COL4A6: variants seen among roughly 807,000 people sequenced by gnomAD.
COL4A6 encodes collagen type IV alpha 6 chain.
COL4A6 carries 59 observed loss-of-function variants against 126.7 expected under a neutral mutation model. That is an observed-to-expected ratio of 0.47 (90% CI 0.38 to 0.58). COL4A6 has a LOEUF of 0.58. COL4A6 is among the 20% of genes least tolerant of loss of function. COL4A6 has a pLI of 0.00. For synonymous variants in COL4A6, 547 were observed against 496.6 expected (o/e 1.10, Z -1.35); for missense variants, 1,285 against 1,337.3 (o/e 0.96, Z 0.61).
intron 3 of COL4A6, among the ~76,000 whole-genome samples, chrX:108,284,062 G>A (rs1368692487): frequency 8.9e-6 from 1 of 112,100 alleles, no homozygotes; most frequent in Non-Finnish European, 1.9e-5. Flanking sequence ...TTATTGATTT[G>A]CTAATACTAC....
intron 3 of COL4A6, among the ~76,000 whole-genome samples, chrX:108,236,382 G>T (rs2036430349): frequency 9.0e-6 from 1 of 111,311 alleles, no homozygotes. Flanking sequence ...GTATCTGCAA[G>T]AGGAAAGATC....
chrX:108,339,990 G>A (rs900190753), intron 2 of COL4A6, among the ~76,000 whole-genome samples: 3 of 111,148 alleles, frequency 2.7e-5, no homozygotes, highest in South Asian at 3.8e-4. Context: ...ACCCTTATAC[G>A]CAATCACCCC....
intron 3 of COL4A6, among the ~76,000 whole-genome samples, chrX:108,231,159 G>T (rs779197895): frequency 8.9e-6 from 1 of 111,841 alleles, no homozygotes; most frequent in Non-Finnish European, 1.9e-5. Flanking sequence ...TTTCAGGTCT[G>T]CCACAGCTAA....
intron 18 of COL4A6, among the ~76,000 whole-genome samples, chrX:108,192,226 C>A (rs1487077481): frequency 8.9e-6 from 1 of 112,006 alleles, no homozygotes; most frequent in African/African-American, 3.2e-5. Flanking sequence ...ACCTCAGTGA[C>A]AGTCTAGGAT....
chrX:108,285,579 A>G (rs748570211), intron 3 of COL4A6, among the ~76,000 whole-genome samples: 2 of 111,590 alleles, frequency 1.8e-5, no homozygotes, highest in South Asian at 7.7e-4. Flanking sequence ...GAGTTGCTCA[A>G]GACAGCACAC....
intron 2 of COL4A6, among the ~76,000 whole-genome samples, chrX:108,319,035 C>G (rs1157523428): frequency 8.9e-6 from 1 of 112,648 alleles, no homozygotes; most frequent in Non-Finnish European, 1.9e-5. Context: ...TAGGAGAGAA[C>G]ATGGTTTATC....
At chrX:108,334,224 A>G (rs1222011318) in intron 2 of COL4A6, among the ~76,000 whole-genome samples, 1 of 111,444 alleles carries the variant, frequency 9.0e-6, no homozygotes, top group Non-Finnish European at 1.9e-5. Context: ...CTAGTATTTT[A>G]CCAAACTTCT....
intron 3 of COL4A6, among the ~76,000 whole-genome samples, chrX:108,285,962 G>A (rs1488023612): frequency 1.8e-5 from 2 of 111,780 alleles, no homozygotes; most frequent in Non-Finnish European, 1.9e-5. Flanking sequence ...GAAGGATCTG[G>A]TGTTCTAAAG....
chrX:108,259,229 G>T (rs184224295), intron 3 of COL4A6, among the ~76,000 whole-genome samples: 70 of 111,090 alleles, frequency 6.3e-4, no homozygotes, highest in Admixed American at 1.4e-3. Flanking sequence ...TAAATTAATG[G>T]GCTGCTATTT....
At position 108,165,372 on chromosome X, in the gene COL4A6, C is replaced by T. The variant is rs771134556; in HGVS notation, c.3806G>A (p.Arg1269Gln). Residue 1269 changes from arginine to glutamine, a missense_variant and splice_region_variant, in exon 38 of 45, where the codon CGA becomes CAA. Physicochemically the swap from Arg to Gln is conservative, Grantham distance 43 (BLOSUM62 1). Transcript: ENST00000334504. The part of the protein sequence containing the change: ...DPGRPGLDGE[R>Q]GRPGPAGPPG... ...TCTTTTGGGCTTCCTGTCTTTACCT[C>T]GTTCTCCATCTAGGCCTGGTCGCCC... 5 of 1,202,092 alleles carry T rather than the reference C, an allele frequency of 4.2e-6. No individual in the cohort carries two copies. The highest frequency in any genetic ancestry group is 2.2e-5 in the Admixed American group (1 of 45,853).
intron 2 of COL4A6, among the ~76,000 whole-genome samples, chrX:108,437,501 G>A (rs1219641390): frequency 1.8e-5 from 2 of 111,636 alleles, no homozygotes; most frequent in African/African-American, 6.5e-5. Flanking sequence ...ACGACTCTAA[G>A]CATGTACTTA....
At chrX:108,346,855 C>T (rs989953078) in intron 2 of COL4A6, among the ~76,000 whole-genome samples, 17 of 111,611 alleles carry the variant, frequency 1.5e-4, no homozygotes, top group African/African-American at 5.5e-4. Flanking sequence ...TGAGTGACAG[C>T]GGTCGTAGTG....
intron 2 of COL4A6, among the ~76,000 whole-genome samples, chrX:108,345,924 C>G (rs1258606596): frequency 9.0e-6 from 1 of 111,699 alleles, no homozygotes; most frequent in East Asian, 2.8e-4. Context: ...AGGTGGGACT[C>G]AGGCATCCAT....
At chrX:108,388,470 C>A (rs1003781360) in intron 2 of COL4A6, among the ~76,000 whole-genome samples, 3 of 111,900 alleles carry the variant, frequency 2.7e-5, no homozygotes, top group Non-Finnish European at 3.8e-5. Context: ...AGGAATTTAT[C>A]CATTTCTTCT....
intron 15 of COL4A6, 48 bp from the exon 16 acceptor site, chrX:108,194,635 A>G (rs770096083): frequency 1.8e-6 from 2 of 1,141,636 alleles, no homozygotes; most frequent in Admixed American, 4.4e-5. Flanking sequence ...TGAGAGCATA[A>G]GAGAGTCTGG....
At chrX:108,290,606 A>G (rs2038135079) in intron 3 of COL4A6, among the ~76,000 whole-genome samples, 1 of 105,337 alleles carries the variant, frequency 9.5e-6, no homozygotes, top group Non-Finnish European at 1.9e-5. Context: ...AATTATTAAT[A>G]CTTCCTTGAT....
chrX:108,307,169 C>T (rs1382511104), intron 3 of COL4A6, among the ~76,000 whole-genome samples: 1 of 111,383 alleles, frequency 9.0e-6, no homozygotes, highest in African/African-American at 3.3e-5. Flanking sequence ...ATAATAACAC[C>T]TAACTCCTAA....
rs776656197 is a variant in COL4A6, at chrX:108,387,478, T to G, written c.63+50464A>C. Among the ~76,000 whole-genome samples, 3 of 111,979 alleles carry G rather than the reference T, an allele frequency of 2.7e-5. No individual in the cohort carries two copies. In the East Asian group the frequency reaches 8.4e-4, roughly 31 times the overall value. On this transcript the variant is annotated intron_variant, in intron 2 of 44. Coordinates refer to ENST00000334504, the MANE Select transcript of COL4A6 (RefSeq NM_033641.4). ...AGGTATTTTATTCTGTTTGTAGTAA[T>G]TGTGAATGAGAGTTCACTCATGATT...
Position 108,219,849 on chromosome X carries a change from G to A in COL4A6, c.280-107C>T, listed in dbSNP as rs751454563. On this transcript the variant is annotated intron_variant, in intron 4 of 44. Coordinates refer to ENST00000334504, the MANE Select transcript of COL4A6 (RefSeq NM_033641.4). ...GGCCTACATTTTTAAGAAGTGTTTCGTACCCCCCTCCCCATATTGTATTCC... is the reference window on the plus strand; with the variant it reads ...GGCCTACATTTTTAAGAAGTGTTTCATACCCCCCTCCCCATATTGTATTCC... The A allele has an allele frequency of 2.3e-3, 1,507 of 651,301 alleles. 2 individuals are homozygous for A. Among genetic ancestry groups the A allele is most frequent in the Non-Finnish European group, 3.0e-3 (1,217 of 404,397 alleles). The allele number at this position is 651,301 out of a possible 1,213,427, so 53.7% of individuals were successfully genotyped here.
Sources: gnomAD v4.1 joint callset for allele counts (sites outside exome capture counted in the v4.1 genomes callset) on GRCh38, gnomAD v4.1.1 for gene constraint, MANE v1.5 for transcripts, NCBI Gene and HGNC (gene_info 2026-07-23, HGNC 2026-07-21) for gene names.